Variants in RSRP1 observed in about 807,000 individuals in gnomAD.
The protein encoded by RSRP1 is arginine and serine rich protein 1.
A neutral mutation model predicts 33.0 loss-of-function variants in RSRP1; 37 were observed. The ratio of observed to expected loss-of-function variants is 1.12; its 90% CI spans 0.86 to 1.48. The LOEUF is 1.48. Ranked by LOEUF, RSRP1 falls within the 40% of genes most tolerant of loss-of-function variation. The pLI is 0.00. For missense variants in RSRP1, 402 were observed against 385.3 expected (o/e 1.04, Z -0.36); for synonymous variants, 167 against 158.7 (o/e 1.05, Z -0.40).
In RSRP1 at chr1:25,279,012, G is replaced by A. The variant is rs1218797822; in HGVS notation, c.-66-31983C>T. Among the ~76,000 whole-genome samples, 4 of 129,978 alleles carry A rather than the reference G, an allele frequency of 3.1e-5. 1 individual carries two copies. The highest frequency in any genetic ancestry group is 7.2e-5 in the Non-Finnish European group (4 of 55,228). 85.3% of individuals were successfully genotyped at this position (129,978 alleles called of 152,430 possible). ...GTGTGACTTCAGAGCTGTTGGTGCT[G>A]AAGTTTCTGCAGGCCAGAAGGAGGG... On this transcript the variant is annotated intron_variant, in intron 1 of 1. Coordinates refer to the RSRP1 transcript ENST00000561867.
chr1:25,247,332 A>C lies in RSRP1; in HGVS notation c.-90T>G. 2 of 233,516 alleles carry C rather than the reference A, an allele frequency of 8.6e-6. No individual in the cohort carries two copies. Among genetic ancestry groups the C allele is most frequent in the East Asian group, 8.5e-5 (1 of 11,782 alleles). 14.5% of individuals were successfully genotyped at this position (233,516 alleles called of 1,614,324 possible). On this transcript the variant is annotated 5_prime_UTR_variant, in exon 1 of 5. Coordinates refer to ENST00000243189, the MANE Select transcript of RSRP1 (RefSeq NM_020317.5). ...ACCGCACGCCGTCGACGCCTCCCTC[A>C]CGACTGAGAGAAAGGCTCAACAGAC...
At chr1:25,300,832 A>G (rs150253021) in intron 1 of RSRP1, 35,510 of 1,173,480 alleles carry the variant, frequency 0.03, 8,484 homozygotes, top group South Asian at 0.058. Flanking sequence ...CACCAGTCTC[A>G]TGGCTTCAAG....
Position 25,329,183 on chromosome 1 carries a change from G to C in RSRP1, c.-67+8795C>G, listed in dbSNP as rs1280183325. The C allele has an allele frequency of 2.8e-5, 22 of 797,402 alleles. 4 individuals carry two copies. In the African/African-American group the frequency reaches 3.8e-4, roughly 14 times the overall value. 49.4% of individuals were successfully genotyped at this position (797,402 alleles called of 1,614,324 possible). A position where few individuals can be genotyped will look rare whatever the true frequency, so the allele number is the denominator to read the frequency against. Reference sequence around the variant, plus strand: ...ACAACATCTTGGTAAACAACAGACTGCATATATGATGGTGGTCATCCAGTA... The same window carrying C: ...ACAACATCTTGGTAAACAACAGACTCCATATATGATGGTGGTCATCCAGTA... On this transcript the variant is annotated intron_variant, in intron 1 of 1. Coordinates refer to the RSRP1 transcript ENST00000561867.
intron 1 of RSRP1, among the ~76,000 whole-genome samples, chr1:25,262,511 A>G (rs908048533): frequency 6.6e-6 from 1 of 152,200 alleles, no homozygotes; most frequent in Non-Finnish European, 1.5e-5. Context: ...AGATATATAA[A>G]AGAGGGTTTA....
At chr1:25,309,809 T>G (rs1644044279) in intron 1 of RSRP1, among the ~76,000 whole-genome samples, 1 of 132,350 alleles carries the variant, frequency 7.6e-6, no homozygotes, top group Non-Finnish European at 1.8e-5. Flanking sequence ...TGTGAGGACA[T>G]GTGTTGAGCT....
chr1:25,243,664 A>T, intron 3 of RSRP1, 31 bp from the exon 4 acceptor site: 1 of 1,611,932 alleles, frequency 6.2e-7, no homozygotes, highest in Non-Finnish European at 8.5e-7. Flanking sequence ...TGTAATTTTA[A>T]AACACATACC....
At position 25,320,580 on chromosome 1, in the gene RSRP1, T is replaced by C. The variant is rs1180320834; in HGVS notation, c.-67+17398A>G. On this transcript the variant is annotated intron_variant, in intron 1 of 1. Coordinates refer to the RSRP1 transcript ENST00000561867. ...CTCACTAAGCACTCGCCCATTCTTG[T>C]TAACGACACTGGAACTGATCATCCT... Among the ~76,000 whole-genome samples the C allele has an allele frequency of 3.8e-5, 5 of 131,924 alleles. 1 individual carries two copies. Among genetic ancestry groups the C allele is most frequent in the Non-Finnish European group, 5.4e-5 (3 of 55,722 alleles). The allele number at this position is 131,924 out of a possible 152,430, so 86.5% of individuals were successfully genotyped here.
chr1:25,268,203 C>G (rs190179920), intron 1 of RSRP1, among the ~76,000 whole-genome samples: 1 of 133,154 alleles, frequency 7.5e-6, no homozygotes, highest in African/African-American at 2.6e-5. Flanking sequence ...TGCTCAGATT[C>G]TCATAGGGGA....
intron 1 of RSRP1, among the ~76,000 whole-genome samples, chr1:25,269,706 G>A (rs1254743636): frequency 7.5e-6 from 1 of 133,048 alleles, no homozygotes. Context: ...AAGAGTCAGA[G>A]GGGAAGAGCA....
intron 1 of RSRP1, chr1:25,307,892 T>C: frequency 1.8e-6 from 2 of 1,136,758 alleles, no homozygotes; most frequent in Non-Finnish European, 2.5e-6. Context: ...GTTCCAGTGA[T>C]GTGTCTGCCA....
chr1:25,261,549 C>T (rs1218091554), intron 1 of RSRP1, among the ~76,000 whole-genome samples: 4 of 151,590 alleles, frequency 2.6e-5, no homozygotes, highest in African/African-American at 7.3e-5. Flanking sequence ...GGCCTACAGG[C>T]GCCCGCCACC....
intron 1 of RSRP1, chr1:25,307,525 A>G: frequency 1.9e-6 from 1 of 521,956 alleles, no homozygotes; most frequent in Non-Finnish European, 3.6e-6. Context: ...TGACTGCTTT[A>G]AAAGTGTTGG....
intron 1 of RSRP1, among the ~76,000 whole-genome samples, chr1:25,288,016 T>C (rs1571617932): frequency 3.0e-5 from 4 of 132,010 alleles, no homozygotes; most frequent in South Asian, 4.7e-4. Flanking sequence ...AGCCACTGTG[T>C]CCAGCCTAAA....
Position 25,313,131 on chromosome 1 carries a change from T to C in RSRP1, c.-67+24847A>G, listed in dbSNP as rs1427666148. On this transcript the variant is annotated intron_variant, in intron 1 of 1. Coordinates refer to the RSRP1 transcript ENST00000561867. Reference sequence around the variant, plus strand: ...CCTTTGGGAGGTAACTAGGATTAGATAAAGTCATCAGGGTGGGGCCCCTAT... The same window carrying C: ...CCTTTGGGAGGTAACTAGGATTAGACAAAGTCATCAGGGTGGGGCCCCTAT... Among the ~76,000 whole-genome samples the C allele has an allele frequency of 2.4e-5, 3 of 125,952 alleles. 1 individual carries two copies. The highest frequency in any genetic ancestry group is 5.6e-5 in the Non-Finnish European group (3 of 53,390). The allele number at this position is 125,952 out of a possible 152,430, so 82.6% of individuals were successfully genotyped here. A position where few individuals can be genotyped will look rare whatever the true frequency, so the allele number is the denominator to read the frequency against.
Position 25,258,923 on chromosome 1 carries a change from T to C in RSRP1, c.-66-11894A>G, listed in dbSNP as rs183104391. On this transcript the variant is annotated intron_variant, in intron 1 of 1. Transcript: ENST00000561867. Reference sequence around the variant, plus strand: ...GGCACTGGAGTCAGAGAAAATGGAGTTGAATCCTTTCTCTGCCACTCTTTG... The same window carrying C: ...GGCACTGGAGTCAGAGAAAATGGAGCTGAATCCTTTCTCTGCCACTCTTTG... Among the ~76,000 whole-genome samples the C allele has an allele frequency of 9.7e-4, 148 of 152,146 alleles. No individual in the cohort carries two copies. In the Middle Eastern group the frequency reaches 0.031, roughly 31 times the overall value.
chr1:25,334,054 A>G (rs1205693576), intron 1 of RSRP1, among the ~76,000 whole-genome samples: 1 of 128,454 alleles, frequency 7.8e-6, no homozygotes, highest in East Asian at 2.0e-4. Context: ...CAGTCCCTCA[A>G]AGTCTTAAAT....
intron 1 of RSRP1, among the ~76,000 whole-genome samples, chr1:25,262,870 T>C (rs935147783): frequency 1.9e-4 from 29 of 152,248 alleles, no homozygotes; most frequent in East Asian, 5.8e-4. Context: ...TCCCTCTTAG[T>C]CCATTCAGTC....
chr1:25,302,879 C>T lies in RSRP1; in HGVS notation c.-67+35099G>A, dbSNP rs1161347986. 1.1e-4 allele frequency among the ~76,000 whole-genome samples: 15 copies of T among 131,004 alleles called. 4 individuals are homozygous for T. The highest frequency in any genetic ancestry group is 3.7e-4 in the African/African-American group (14 of 37,948). 85.9% of individuals were successfully genotyped at this position (131,004 alleles called of 152,430 possible). A position where few individuals can be genotyped will look rare whatever the true frequency, so the allele number is the denominator to read the frequency against. On this transcript the variant is annotated intron_variant, in intron 1 of 1. Transcript: ENST00000561867. ...TTCTTCTAGGCCAGGTGCAGTGGCT[C>T]ACACCTGTAATCCCAATATTTTGGG... is the stretch of plus-strand genomic sequence containing the variant.
intron 1 of RSRP1, among the ~76,000 whole-genome samples, chr1:25,292,228 T>G (rs560559792): frequency 7.6e-6 from 1 of 132,258 alleles, no homozygotes; most frequent in South Asian, 2.3e-4. Flanking sequence ...GGACTTTGGA[T>G]TTTACTCTGA....
Sources: allele counts gnomAD v4.1 joint callset (sites outside exome capture counted in the v4.1 genomes callset), GRCh38; gene constraint gnomAD v4.1.1; transcripts MANE v1.5; gene names NCBI Gene and HGNC (gene_info 2026-07-23, HGNC 2026-07-21).